Variants in FERRY3 observed in about 807,000 individuals in gnomAD.
FERRY3 encodes FERRY endosomal RAB5 effector complex subunit 3.
the FERRY3 span, among the ~76,000 whole-genome samples, chr12:4,528,932 CACACACAA>C: frequency 1.6e-3 from 232 of 144,780 alleles, 1 homozygote; most frequent in South Asian, 0.015. Flanking sequence ...CACACACACA[CACACACAA>C]ACAAAAGTGA....
At chr12:4,489,544 T>C in the FERRY3 span, 3 of 239,344 alleles carry the variant, frequency 1.3e-5, no homozygotes, top group Admixed American at 5.3e-5. Context: ...TAAAAAGTTT[T>C]AGATTACTAA....
At chr12:4,513,664 A>T in the FERRY3 span, among the ~76,000 whole-genome samples, 1 of 152,246 alleles carries the variant, frequency 6.6e-6, no homozygotes, top group Non-Finnish European at 1.5e-5. Flanking sequence ...TACTTAATAA[A>T]TGGTGCTGGG....
chr12:4,493,849 T>C, the FERRY3 span, among the ~76,000 whole-genome samples: 14 of 152,124 alleles, frequency 9.2e-5, no homozygotes, highest in Admixed American at 8.5e-4. Flanking sequence ...TCCCAGCACT[T>C]TGGGAGGCCG....
the FERRY3 span, among the ~76,000 whole-genome samples, chr12:4,490,075 C>T: frequency 1.3e-5 from 2 of 152,000 alleles, no homozygotes; most frequent in East Asian, 1.9e-4. Flanking sequence ...GCTGGTTTTC[C>T]GGCTCCATCT....
At chr12:4,511,708 C>A in the FERRY3 span, among the ~76,000 whole-genome samples, 2 of 149,350 alleles carry the variant, frequency 1.3e-5, no homozygotes, top group Admixed American at 6.6e-5. Context: ...AAAGACACAA[C>A]ATACCAGAAT....
chr12:4,535,323 G>T, the FERRY3 span, among the ~76,000 whole-genome samples: 2 of 152,208 alleles, frequency 1.3e-5, no homozygotes, highest in Non-Finnish European at 2.9e-5. The surrounding 1 kb of genome is among the most constrained non-coding windows in gnomAD (Gnocchi z 4.0). Flanking sequence ...CCGAGAATTT[G>T]CATGTCTAAC....
chr12:4,531,821 A>G, the FERRY3 span, among the ~76,000 whole-genome samples: 1 of 152,166 alleles, frequency 6.6e-6, no homozygotes, highest in Admixed American at 6.5e-5. Context: ...TCTCTGCCCC[A>G]CATCCTGCCA....
chr12:4,509,652 C>T, the FERRY3 span, among the ~76,000 whole-genome samples: 11 of 143,706 alleles, frequency 7.7e-5, 1 homozygote, highest in African/African-American at 1.1e-4. Context: ...ACACCTCACA[C>T]GGCAGGGTAT....
the FERRY3 span, chr12:4,489,334 G>T: frequency 6.5e-6 from 1 of 152,694 alleles, no homozygotes; most frequent in African/African-American, 2.4e-5. Flanking sequence ...TCTATAAAAA[G>T]ATTTTCACAG....
the FERRY3 span, among the ~76,000 whole-genome samples, chr12:4,491,779 C>G: frequency 6.6e-6 from 1 of 152,146 alleles, no homozygotes; most frequent in African/African-American, 2.4e-5. Flanking sequence ...GTATGATTAG[C>G]GCGTATGCCA....
chr12:4,532,375 G>A, the FERRY3 span, among the ~76,000 whole-genome samples: 1 of 152,140 alleles, frequency 6.6e-6, no homozygotes. Flanking sequence ...TTGTTTCCTT[G>A]AAGTCAGCTT....
At chr12:4,490,543 T>C in the FERRY3 span, 3 of 1,607,868 alleles carry the variant, frequency 1.9e-6, no homozygotes, top group Non-Finnish European at 2.5e-6. Flanking sequence ...GAAATTGCAC[T>C]GTCCTAGAAA....
At chr12:4,530,180 G>T in the FERRY3 span, 1 of 745,654 alleles carries the variant, frequency 1.3e-6, no homozygotes, top group Non-Finnish European at 2.1e-6. Context: ...ATATATGTGT[G>T]TGTAAATATA....
At chr12:4,505,447 C>A in the FERRY3 span, 1 of 1,121,604 alleles carries the variant, frequency 8.9e-7, no homozygotes, top group South Asian at 1.3e-5. Context: ...TATGACTGCT[C>A]CCAAAAGAAT....
the FERRY3 span, chr12:4,518,867 C>G: frequency 1.9e-6 from 3 of 1,571,418 alleles, no homozygotes; most frequent in Non-Finnish European, 2.6e-6. Context: ...CTTGGCTGAA[C>G]TTTAATTTCC....
chr12:4,525,254 C>A, the FERRY3 span: 2 of 1,612,838 alleles, frequency 1.2e-6, no homozygotes, highest in South Asian at 1.1e-5. Flanking sequence ...TAGTTAATAC[C>A]TAAGGGAGCT....
chr12:4,515,300 T>C, the FERRY3 span, among the ~76,000 whole-genome samples: 5 of 152,164 alleles, frequency 3.3e-5, no homozygotes, highest in African/African-American at 1.2e-4. Context: ...AAAACAGAAC[T>C]ATCTTATGAT....
At chr12:4,511,251 T>C in the FERRY3 span, among the ~76,000 whole-genome samples, 1 of 150,746 alleles carries the variant, frequency 6.6e-6, no homozygotes, top group East Asian at 2.0e-4. Context: ...AAGTCCTGAG[T>C]GACCTACAAA....
chr12:4,537,435 G>C, the FERRY3 span, among the ~76,000 whole-genome samples: 2 of 152,160 alleles, frequency 1.3e-5, no homozygotes, highest in Admixed American at 1.3e-4. Context: ...TGTATTCCAT[G>C]TATTAGGCAG....
Sources: allele counts gnomAD v4.1 joint callset (sites outside exome capture counted in the v4.1 genomes callset), GRCh38; gene constraint gnomAD v4.1.1; non-coding constraint Gnocchi (gnomAD v3.1); transcripts MANE v1.5; gene names NCBI Gene and HGNC (gene_info 2026-07-23, HGNC 2026-07-21).